The following PTPRD variants were observed in gnomAD, a reference collection of about 807,000 sequenced individuals.
PTPRD encodes the protein protein tyrosine phosphatase receptor type D.
In PTPRD, 34 loss-of-function variants were observed where a neutral mutation model predicts 214.5. The observed-to-expected ratio is 0.16, with a 90% CI of 0.12 to 0.21. The LOEUF (loss-of-function observed/expected upper bound fraction) is 0.21, where lower values mean the gene tolerates loss of function less well. PTPRD is among the 10% of genes least tolerant of loss of function. PTPRD has a pLI of 1.00. For missense variants in PTPRD, 2,545 were observed against 2,398.7 expected (o/e 1.06, Z -1.27); for synonymous variants, 1,128 against 845.7 (o/e 1.33, Z -5.79).
intron 21 of PTPRD, among the ~76,000 whole-genome samples, chr9:8,509,155 A>G (rs2097612920): frequency 6.6e-6 from 1 of 152,108 alleles, no homozygotes; most frequent in Non-Finnish European, 1.5e-5. Flanking sequence ...GAAAGGTGGA[A>G]GCGAAAGAAG....
intron 11 of PTPRD, among the ~76,000 whole-genome samples, chr9:9,013,757 T>G (rs1425079548): frequency 6.6e-6 from 1 of 152,152 alleles, no homozygotes; most frequent in Admixed American, 6.6e-5. Context: ...GGTATGGGGA[T>G]GTACCCACTG....
At chr9:10,314,455 G>A (rs1314588389) in intron 3 of PTPRD, among the ~76,000 whole-genome samples, 3 of 151,876 alleles carry the variant, frequency 2.0e-5, no homozygotes, top group Non-Finnish European at 4.4e-5. Flanking sequence ...TAAGAATCAG[G>A]AACTCCTGAG....
At chr9:9,846,374 A>G (rs1045935262) in intron 5 of PTPRD, among the ~76,000 whole-genome samples, 4 of 152,136 alleles carry the variant, frequency 2.6e-5, no homozygotes, top group African/African-American at 4.8e-5. Flanking sequence ...GACTTGTGAC[A>G]AGTAAGCAAC....
At chr9:10,529,137 A>C (rs568087076) in intron 2 of PTPRD, among the ~76,000 whole-genome samples, 1 of 152,152 alleles carries the variant, frequency 6.6e-6, no homozygotes, top group African/African-American at 2.4e-5. Context: ...ATGCATTCAC[A>C]TATCTCTTTT....
chr9:9,822,012 G>A (rs1383958923), intron 5 of PTPRD, among the ~76,000 whole-genome samples: 9 of 151,204 alleles, frequency 6.0e-5, no homozygotes, highest in East Asian at 1.9e-4. Flanking sequence ...CAGCTCTGTG[G>A]TAGTAAATAT....
At chr9:9,902,212 T>C (rs182408917) in intron 5 of PTPRD, among the ~76,000 whole-genome samples, 4 of 127,940 alleles carry the variant, frequency 3.1e-5, no homozygotes, top group Admixed American at 2.2e-4. Context: ...CGCCCATGCA[T>C]GAATGTCTGT....
chr9:9,096,021 T>A (rs527859267), intron 10 of PTPRD, among the ~76,000 whole-genome samples: 1 of 152,292 alleles, frequency 6.6e-6, no homozygotes, highest in African/African-American at 2.4e-5. Context: ...TATTGCGTTA[T>A]TCTACCTATA....
At chr9:8,801,488 G>A (rs1390653638) in intron 11 of PTPRD, among the ~76,000 whole-genome samples, 2 of 152,260 alleles carry the variant, frequency 1.3e-5, no homozygotes, top group East Asian at 1.9e-4. Flanking sequence ...AGGCTGAGGC[G>A]GGCGGACCAC....
At chr9:9,646,326 T>TGG in intron 7 of PTPRD, among the ~76,000 whole-genome samples, 1 of 149,778 alleles carries the variant, frequency 6.7e-6, no homozygotes, top group East Asian at 1.9e-4. Context: ...TGGGTGTGTG[T>TGG]GTGTGTGTGT....
At chr9:9,270,579 A>T (rs1942445052) in intron 9 of PTPRD, among the ~76,000 whole-genome samples, 1 of 151,348 alleles carries the variant, frequency 6.6e-6, no homozygotes, top group Admixed American at 6.6e-5. Context: ...TGAGTTAGGA[A>T]AGATCAGGTC....
chr9:8,522,809 T>G (rs1167314622), intron 19 of PTPRD, among the ~76,000 whole-genome samples: 2 of 152,202 alleles, frequency 1.3e-5, no homozygotes, highest in Non-Finnish European at 2.9e-5. Flanking sequence ...GGGTAATCTT[T>G]AGGGAGCACA....
chr9:10,523,622 T>TATAGAGAGAGAGAGAG (rs554367559), intron 2 of PTPRD, among the ~76,000 whole-genome samples: 17 of 131,384 alleles, frequency 1.3e-4, no homozygotes, highest in African/African-American at 4.8e-4. Flanking sequence ...TATATATATA[T>TATAGAGAGAGAGAGAG]AGACAGAAAG....
At chr9:10,558,543 G>T (rs1325888457) in intron 2 of PTPRD, among the ~76,000 whole-genome samples, 1 of 152,056 alleles carries the variant, frequency 6.6e-6, no homozygotes, top group Non-Finnish European at 1.5e-5. Context: ...ACTTAGCCAT[G>T]TGGCCTTGGG....
intron 10 of PTPRD, among the ~76,000 whole-genome samples, chr9:9,108,381 G>A (rs1000752380): frequency 2.0e-5 from 3 of 152,088 alleles, no homozygotes; most frequent in Middle Eastern, 3.2e-3. Flanking sequence ...TAACATGAGC[G>A]GTTGCATTAG....
intron 12 of PTPRD, among the ~76,000 whole-genome samples, chr9:8,665,106 A>C (rs939047080): frequency 6.6e-6 from 1 of 152,248 alleles, no homozygotes; most frequent in Admixed American, 6.5e-5. Flanking sequence ...CATTCTCAAA[A>C]ACTGAGTTCG....
At chr9:8,510,671 G>T (rs2097659480) in intron 21 of PTPRD, among the ~76,000 whole-genome samples, 1 of 152,136 alleles carries the variant, frequency 6.6e-6, no homozygotes, top group South Asian at 2.1e-4. Flanking sequence ...TCAGGCTCCA[G>T]GCTCATCAAT....
chr9:9,116,719 G>A (rs2099812690), intron 10 of PTPRD, among the ~76,000 whole-genome samples: 1 of 151,922 alleles, frequency 6.6e-6, no homozygotes, highest in Non-Finnish European at 1.5e-5. Flanking sequence ...TTATTTTCAA[G>A]CAATCTTTCA....
intron 14 of PTPRD, among the ~76,000 whole-genome samples, chr9:8,567,310 C>G (rs2089618469): frequency 6.6e-6 from 1 of 152,200 alleles, no homozygotes; most frequent in Non-Finnish European, 1.5e-5. Context: ...GTTCCCTCCT[C>G]TCAGACAAAT....
chr9:8,778,501 T>C (rs762817451), intron 11 of PTPRD, among the ~76,000 whole-genome samples: 1 of 152,184 alleles, frequency 6.6e-6, no homozygotes, highest in African/African-American at 2.4e-5. Flanking sequence ...TGCCCAACAC[T>C]GAAACTGACT....
Sources: allele counts gnomAD v4.1 joint callset (sites outside exome capture counted in the v4.1 genomes callset), GRCh38; gene constraint gnomAD v4.1.1; transcripts MANE v1.5; gene names NCBI Gene and HGNC (gene_info 2026-07-23, HGNC 2026-07-21).